The following ITGA2 variants were observed in gnomAD, a reference collection of about 807,000 sequenced individuals.
The protein encoded by ITGA2 is integrin alpha-2.
ITGA2 carries 101 observed loss-of-function variants against 146.3 expected under a neutral mutation model. That is an observed-to-expected ratio of 0.69 (90% CI 0.59 to 0.81). The LOEUF (loss-of-function observed/expected upper bound fraction) is 0.81, where lower values mean the gene tolerates loss of function less well. ITGA2 is among the 40% of genes least tolerant of loss of function. The pLI, the probability that ITGA2 is intolerant of heterozygous loss-of-function variation, is 0.00. For missense variants in ITGA2, 1,281 were observed against 1,402.7 expected, an observed-to-expected ratio of 0.91 and a Z score of 1.39; for synonymous variants, 477 against 487.1, an observed-to-expected ratio of 0.98 and a Z score of 0.27.
intron 1 of ITGA2, among the ~76,000 whole-genome samples, chr5:53,017,916 G>A (rs1742473024): frequency 6.6e-6 from 1 of 152,086 alleles, no homozygotes; most frequent in Admixed American, 6.5e-5. Context: ...TGCGGTTGGG[G>A]AGGCTGTGGC....
chr5:53,080,712 G>A (rs1193740789), intron 25 of ITGA2, 91 bp downstream of exon 25: 53 of 947,066 alleles, frequency 5.6e-5, no homozygotes, highest in Non-Finnish European at 8.4e-5. Context: ...TTTTACAGAT[G>A]GGAAACAGAT....
At chr5:52,995,703 T>C (rs1382157732) in intron 1 of ITGA2, among the ~76,000 whole-genome samples, 1 of 152,188 alleles carries the variant, frequency 6.6e-6, no homozygotes, top group Non-Finnish European at 1.5e-5. Context: ...TAGTTATATG[T>C]AGTGGCGTTA....
chr5:52,990,734 C>T (rs1326299845), intron 1 of ITGA2, among the ~76,000 whole-genome samples: 1 of 152,096 alleles, frequency 6.6e-6, no homozygotes, highest in Non-Finnish European at 1.5e-5. Context: ...AATAGCACCA[C>T]TGTCCCCAGC....
At chr5:53,030,652 A>G (rs1425005620) in intron 2 of ITGA2, among the ~76,000 whole-genome samples, 1 of 152,262 alleles carries the variant, frequency 6.6e-6, no homozygotes, top group East Asian at 1.9e-4. Flanking sequence ...AACCATGGGC[A>G]TGATTTTCTA....
chr5:53,015,470 GAT>G (rs907055768), intron 1 of ITGA2, among the ~76,000 whole-genome samples: 1 of 13,898 alleles, frequency 7.2e-5, no homozygotes, highest in African/African-American at 2.8e-4. Context: ...TGGTTGGTAT[GAT>G]TTTTTTTTTT....
rs1305322418 is a variant in ITGA2 at position 53,094,076 on chromosome 5, T to G, written c.*3477T>G. The G allele has an allele frequency of 6.6e-6, 1 of 152,626 alleles. No homozygotes were observed. The highest frequency in any genetic ancestry group is 2.4e-5 in the African/African-American group (1 of 41,466). 9.5% of individuals were successfully genotyped at this position (152,626 alleles called of 1,614,324 possible). On this transcript the variant is annotated 3_prime_UTR_variant, in exon 30 of 30. Coordinates refer to ENST00000296585, the MANE Select transcript of ITGA2 (RefSeq NM_002203.4). Reference sequence around the variant, plus strand: ...TATAATGTATTTACCTGTCCTGATATATAGCTATAACCCAATATATGAAAA... The same window carrying G: ...TATAATGTATTTACCTGTCCTGATAGATAGCTATAACCCAATATATGAAAA...
intron 1 of ITGA2, among the ~76,000 whole-genome samples, chr5:53,019,282 T>C (rs3212417): frequency 0.19 from 28,182 of 151,986 alleles, 2,711 homozygotes; most frequent in African/African-American, 0.23. Context: ...ATATATAAAT[T>C]AGTTACCCAC....
At chr5:53,089,726 C>G (rs756465316) in intron 28 of ITGA2, among the ~76,000 whole-genome samples, 9 of 152,168 alleles carry the variant, frequency 5.9e-5, no homozygotes, top group Admixed American at 1.3e-4. Context: ...GTAGTTAAAG[C>G]GGAGAAACTA....
In ITGA2 at chr5:53,042,185, C is replaced by A. The variant is rs753985213; in HGVS notation, c.259C>A (p.Leu87Ile). 3 of 1,612,804 alleles carry A rather than the reference C, an allele frequency of 1.9e-6. No individual in the cohort carries two copies. Among genetic ancestry groups the A allele is most frequent in the Admixed American group, 1.7e-5 (1 of 59,980 alleles). The change falls in exon 3 of 30, where the codon CTA (leucine) becomes ATA (isoleucine). Residue 87 changes from leucine (L) to isoleucine (I), a missense_variant. Physicochemically the swap from Leu to Ile is conservative, Grantham distance 5 (BLOSUM62 2). Transcript: ENST00000296585. Reference protein sequence around the residue: ...MGDVYKCPVDLSTATCEKLNL... With the variant: ...MGDVYKCPVDISTATCEKLNL... ...AGATGTGTATAAATGTCCTGTTGAC[C>A]TATCCACTGCCACATGTGAAAAACT...
chr5:52,999,587 G>C (rs1414714722), intron 1 of ITGA2, among the ~76,000 whole-genome samples: 2 of 151,846 alleles, frequency 1.3e-5, no homozygotes, highest in Non-Finnish European at 2.9e-5. Flanking sequence ...AACACAGAGG[G>C]CCCAGATAGA....
chr5:53,020,142 C>G (rs1031103086), intron 1 of ITGA2, among the ~76,000 whole-genome samples: 7 of 152,034 alleles, frequency 4.6e-5, no homozygotes, highest in Admixed American at 6.6e-5. Context: ...ATCATAAATA[C>G]TCAATAAGTT....
Position 53,073,243 on chromosome 5 carries a change from C to G in ITGA2, c.2555C>G (p.Ala852Gly). 11 of 1,612,310 alleles carry G rather than the reference C, an allele frequency of 6.8e-6. No individual in the cohort carries two copies. Among genetic ancestry groups the G allele is most frequent in the Non-Finnish European group, 8.5e-6 (10 of 1,178,776 alleles). The change falls in exon 20 of 30, where the codon GCA becomes GGA. Residue 852 changes from alanine to glycine, a missense_variant. By Grantham distance (60) the Ala-to-Gly change is moderately conservative. This residue lies in a region of ITGA2 where 475 missense variants were observed against 530.5 expected (regional missense o/e 0.90). Transcript: ENST00000296585. ...VVDFSENLFF[A>G]SFSLPVDGTE... ...GATTTTTCAGAAAACTTGTTTTTTGCATCATTCTCCCTGCCGGTATGTGAT... is the reference window on the plus strand; with the variant it reads ...GATTTTTCAGAAAACTTGTTTTTTGGATCATTCTCCCTGCCGGTATGTGAT...
intron 13 of ITGA2, among the ~76,000 whole-genome samples, chr5:53,064,509 T>A (rs1745057171): frequency 1.3e-5 from 2 of 151,926 alleles, no homozygotes; most frequent in South Asian, 4.1e-4. Context: ...CATCGATTGC[T>A]CTGAATTTTA....
In ITGA2 at chr5:53,094,720, T is replaced by TTGAA. The variant is rs1740624232; in HGVS notation, c.*4123_*4126dup. On this transcript the variant is annotated 3_prime_UTR_variant, in exon 30 of 30. Transcript: ENST00000296585. Reference sequence around the variant, plus strand: ...AACCCACTTTTTTCATACCACATTATTGAATATTGTTACAATTGTTTTGAA... The same window carrying TTGAA: ...AACCCACTTTTTTCATACCACATTATTGAATGAATATTGTTACAATTGTTTTGAA... The TTGAA allele has an allele frequency of 6.6e-6, 1 of 152,206 alleles. No individual in the cohort carries two copies. Among genetic ancestry groups the TTGAA allele is most frequent in the African/African-American group, 2.4e-5 (1 of 41,448 alleles). The allele number at this position is 152,206 out of a possible 1,614,324, so 9.4% of individuals were successfully genotyped here.
chr5:53,003,994 T>C (rs1011876715), intron 1 of ITGA2, among the ~76,000 whole-genome samples: 2 of 152,024 alleles, frequency 1.3e-5, no homozygotes, highest in African/African-American at 2.4e-5. Flanking sequence ...TTATTGACAA[T>C]TGGGGCCAGA....
chr5:52,990,794 G>A (rs150454414), intron 1 of ITGA2, among the ~76,000 whole-genome samples: 234 of 152,184 alleles, frequency 1.5e-3, no homozygotes, highest in Non-Finnish European at 2.7e-3. Flanking sequence ...TGTATTGGGT[G>A]CTTCAGATAC....
intron 2 of ITGA2, among the ~76,000 whole-genome samples, chr5:53,034,987 AAACAT>A (rs1250576935): frequency 6.6e-6 from 1 of 152,238 alleles, no homozygotes; most frequent in Admixed American, 6.5e-5. Context: ...CTTTAAATGA[AAACAT>A]AAATAGTTAT....
intron 1 of ITGA2, among the ~76,000 whole-genome samples, chr5:53,012,138 G>T (rs1378213957): frequency 6.6e-6 from 1 of 152,184 alleles, no homozygotes; most frequent in Non-Finnish European, 1.5e-5. Context: ...CCCTCAGGAT[G>T]AGGACTGTAT....
At chr5:53,007,153 A>G (rs1299559182) in intron 1 of ITGA2, among the ~76,000 whole-genome samples, 1 of 152,212 alleles carries the variant, frequency 6.6e-6, no homozygotes, top group Non-Finnish European at 1.5e-5. Context: ...TGAAGAGGTG[A>G]TATAGAGCAG....
Sources: gnomAD v4.1 joint callset for allele counts (sites outside exome capture counted in the v4.1 genomes callset) on GRCh38, gnomAD v4.1.1 for gene constraint, gnomAD v4.1.1 regional missense constraint, MANE v1.5 for transcripts, NCBI Gene and HGNC (gene_info 2026-07-23, HGNC 2026-07-21) for gene names.